SNX9: variants seen among roughly 807,000 people sequenced by gnomAD.
SNX9 encodes the protein sorting nexin 9.
SNX9 carries 44 observed loss-of-function variants against 89.4 expected under a neutral mutation model. That is an observed-to-expected ratio of 0.49 (90% CI 0.39 to 0.63). The LOEUF (loss-of-function observed/expected upper bound fraction) is 0.63. Among genes scored for constraint, SNX9 ranks in the 30% least tolerant of loss-of-function variants. The pLI is 0.00. For missense variants in SNX9, 578 were observed against 736.1 expected, an observed-to-expected ratio of 0.79 and a Z score of 2.49; for synonymous variants, 236 against 247.8, an observed-to-expected ratio of 0.95 and a Z score of 0.45.
chr6:157,856,532 A>T (rs916935380), intron 1 of SNX9, among the ~76,000 whole-genome samples: 1 of 152,262 alleles, frequency 6.6e-6, no homozygotes, highest in Non-Finnish European at 1.5e-5. Context: ...ACTTTTAAAT[A>T]TCACAGTCCT....
At chr6:157,875,979 C>G (rs908575980) in intron 4 of SNX9, among the ~76,000 whole-genome samples, 2 of 148,430 alleles carry the variant, frequency 1.3e-5, no homozygotes, top group African/African-American at 2.5e-5. Flanking sequence ...CATCTCCACA[C>G]GTTAAAAAAA....
intron 9 of SNX9, among the ~76,000 whole-genome samples, chr6:157,918,184 A>G (rs974687054): frequency 3.9e-5 from 6 of 152,082 alleles, no homozygotes; most frequent in Non-Finnish European, 5.9e-5. Context: ...TTCTAGTTCT[A>G]TCAATTATTG....
chr6:157,898,349 T>C (rs187167109), intron 5 of SNX9, among the ~76,000 whole-genome samples: 41 of 152,352 alleles, frequency 2.7e-4, no homozygotes, highest in African/African-American at 9.4e-4. Context: ...CGGTGGAGGC[T>C]GCAGAAGGCT....
At chr6:157,932,823 T>TA (rs1783839608) in intron 13 of SNX9, among the ~76,000 whole-genome samples, 1 of 132,426 alleles carries the variant, frequency 7.6e-6, no homozygotes, top group Non-Finnish European at 1.5e-5. Context: ...GCCATGATCT[T>TA]ACCAGTGCAC....
At chr6:157,917,456 G>A (rs979853296) in intron 9 of SNX9, among the ~76,000 whole-genome samples, 5 of 152,056 alleles carry the variant, frequency 3.3e-5, no homozygotes, top group Non-Finnish European at 5.9e-5. Flanking sequence ...TGCTTTTGCT[G>A]CATTCTATAA....
At chr6:157,909,342 C>T (rs965908948) in intron 7 of SNX9, among the ~76,000 whole-genome samples, 2 of 152,200 alleles carry the variant, frequency 1.3e-5, no homozygotes, top group Non-Finnish European at 2.9e-5. Flanking sequence ...AGTCCTTCAT[C>T]ACGTGTAGCT....
At chr6:157,920,651 T>G (rs1276590140) in intron 9 of SNX9, among the ~76,000 whole-genome samples, 2 of 152,190 alleles carry the variant, frequency 1.3e-5, no homozygotes, top group African/African-American at 4.8e-5. Context: ...CTCATTTGGT[T>G]GTTTTTATTA....
At chr6:157,869,510 A>G (rs1349347851) in intron 2 of SNX9, among the ~76,000 whole-genome samples, 1 of 152,112 alleles carries the variant, frequency 6.6e-6, no homozygotes, top group African/African-American at 2.4e-5. Flanking sequence ...CCCAAGGCTA[A>G]GTCACTTAAA....
intron 4 of SNX9, among the ~76,000 whole-genome samples, chr6:157,894,483 AAAAG>A (rs1256595525): frequency 2.0e-5 from 3 of 151,446 alleles, no homozygotes; most frequent in Non-Finnish European, 4.4e-5. Flanking sequence ...AAAAAAAAAA[AAAAG>A]CTAACAAAAA....
At position 157,823,363 on chromosome 6, in the gene SNX9, TGC is replaced by T; in HGVS notation, c.-68_-67del. 8.0e-7 allele frequency: 1 copy of T among 1,255,320 alleles called. No homozygotes were observed. The highest frequency in any genetic ancestry group is 1.0e-6 in the Non-Finnish European group (1 of 990,836). 77.8% of individuals were successfully genotyped at this position (1,255,320 alleles called of 1,614,324 possible). A position where few individuals can be genotyped will look rare whatever the true frequency, so the allele number is the denominator to read the frequency against. On this transcript the variant is annotated 5_prime_UTR_variant, in exon 1 of 18. Transcript: ENST00000392185. The surrounding 1 kb of genome is among the most constrained non-coding windows in gnomAD (Gnocchi z 4.6). ...CGCCGCCCTCGCCCTTGCCTTTGCCTGCGCGGCTCAGAATCACCATCCGCGGC... is the reference window on the plus strand; with the variant it reads ...CGCCGCCCTCGCCCTTGCCTTTGCCTGCGGCTCAGAATCACCATCCGCGGC...
Position 157,944,607 on chromosome 6 carries a change from C to A in SNX9, c.*1769C>A, listed in dbSNP as rs1784106236. 1 of 152,186 alleles carries A rather than the reference C, an allele frequency of 6.6e-6. No homozygotes were observed. Among genetic ancestry groups the A allele is most frequent in the Non-Finnish European group, 1.5e-5 (1 of 68,014 alleles). The allele number at this position is 152,186 out of a possible 1,614,324, so 9.4% of individuals were successfully genotyped here. A position where few individuals can be genotyped will look rare whatever the true frequency, so the allele number is the denominator to read the frequency against. Reference sequence around the variant, plus strand: ...TTTTATTCCAGCTGCTGAAAATGGTCCAGGTAATGAATTCTTCCCCAAATC... The same window carrying A: ...TTTTATTCCAGCTGCTGAAAATGGTACAGGTAATGAATTCTTCCCCAAATC... On this transcript the variant is annotated 3_prime_UTR_variant, in exon 18 of 18. Coordinates refer to ENST00000392185, the MANE Select transcript of SNX9 (RefSeq NM_016224.5).
At chr6:157,889,614 T>C (rs1782814083) in intron 4 of SNX9, among the ~76,000 whole-genome samples, 1 of 152,164 alleles carries the variant, frequency 6.6e-6, no homozygotes, top group African/African-American at 2.4e-5. Flanking sequence ...AGTAAAAATA[T>C]TTCTGTCTTC....
chr6:157,843,660 G>T (rs550773857), intron 1 of SNX9, among the ~76,000 whole-genome samples: 1 of 152,204 alleles, frequency 6.6e-6, no homozygotes, highest in East Asian at 1.9e-4. Flanking sequence ...TGTATAATGT[G>T]CATTTACTCA....
intron 1 of SNX9, among the ~76,000 whole-genome samples, chr6:157,834,158 T>TTG: frequency 3.2e-5 from 3 of 94,804 alleles, no homozygotes; most frequent in Non-Finnish European, 6.1e-5. Flanking sequence ...TGGTTTTTTT[T>TTG]TTTTTTTTTT....
intron 4 of SNX9, 54 bp from the exon 5 acceptor site, chr6:157,896,773 G>A (rs1782984935): frequency 1.3e-6 from 2 of 1,596,954 alleles, no homozygotes; most frequent in South Asian, 2.2e-5. Flanking sequence ...ATTGAATTGA[G>A]TCATGGTTTC....
At chr6:157,870,729 C>T (rs1001180742) in intron 2 of SNX9, among the ~76,000 whole-genome samples, 4 of 150,376 alleles carry the variant, frequency 2.7e-5, no homozygotes, top group African/African-American at 9.8e-5. Context: ...CATGCACTCA[C>T]CTGTGCAAGC....
At chr6:157,867,305 T>C (rs555564871) in intron 1 of SNX9, among the ~76,000 whole-genome samples, 57 of 152,270 alleles carry the variant, frequency 3.7e-4, no homozygotes, top group Non-Finnish European at 7.1e-4. Flanking sequence ...CTAAATGCAA[T>C]GTGGGCAGCT....
At chr6:157,876,630 C>T (rs1051554915) in intron 4 of SNX9, among the ~76,000 whole-genome samples, 4 of 152,212 alleles carry the variant, frequency 2.6e-5, no homozygotes, top group South Asian at 4.1e-4. Flanking sequence ...GAATTCTCTT[C>T]TGTATTTTAT....
intron 6 of SNX9, 134 bp from the exon 7 acceptor site, chr6:157,905,994 T>C (rs1783207465): frequency 1.6e-6 from 1 of 642,450 alleles, no homozygotes; most frequent in Non-Finnish European, 2.6e-6. Context: ...TTAGGTTTCA[T>C]TTACCACAGT....
Sources: gnomAD v4.1 joint callset for allele counts (sites outside exome capture counted in the v4.1 genomes callset) on GRCh38, gnomAD v4.1.1 for gene constraint, Gnocchi (gnomAD v3.1) non-coding constraint, MANE v1.5 for transcripts, NCBI Gene and HGNC (gene_info 2026-07-23, HGNC 2026-07-21) for gene names.